ARHGAP26: variants seen among roughly 807,000 people sequenced by gnomAD.
ARHGAP26 encodes the protein rho GTPase-activating protein 26.
ARHGAP26 carries 38 observed loss-of-function variants against 104.8 expected under a neutral mutation model. The ratio of observed to expected loss-of-function variants is 0.36; its 90% confidence interval spans 0.28 to 0.48. The LOEUF (loss-of-function observed/expected upper bound fraction) is 0.48. Among genes scored for constraint, ARHGAP26 ranks in the 20% least tolerant of loss-of-function variants. ARHGAP26 has a pLI of 0.99. For synonymous variants in ARHGAP26, 341 were observed against 340.0 expected (o/e 1.00, Z -0.03); for missense variants, 704 against 947.9 (o/e 0.74, Z 3.38).
intron 17 of ARHGAP26, among the ~76,000 whole-genome samples, chr5:143,100,089 T>A (rs1031896504): frequency 6.6e-6 from 1 of 152,120 alleles, no homozygotes; most frequent in African/African-American, 2.4e-5. Context: ...AAAGGCAGTA[T>A]GAGAAGGTCC....
chr5:142,977,168 T>C (rs1305893277), intron 11 of ARHGAP26, among the ~76,000 whole-genome samples: 2 of 152,212 alleles, frequency 1.3e-5, no homozygotes, highest in East Asian at 3.8e-4. Context: ...GATTCTGGGC[T>C]GGCAGAAAGA....
intron 11 of ARHGAP26, among the ~76,000 whole-genome samples, chr5:142,963,192 A>ATGTGTGTGTG (rs1226879690): frequency 1.2e-4 from 13 of 104,354 alleles, no homozygotes; most frequent in African/African-American, 6.5e-4. Flanking sequence ...ATATATATAT[A>ATGTGTGTGTG]TATATATGTG....
intron 1 of ARHGAP26, among the ~76,000 whole-genome samples, chr5:142,801,493 G>A (rs1414629423): frequency 6.6e-6 from 1 of 151,710 alleles, no homozygotes; most frequent in East Asian, 1.9e-4. Context: ...GCCCCTTTTT[G>A]GTAAATACGG....
At chr5:143,031,119 G>C (rs1218703216) in intron 12 of ARHGAP26, among the ~76,000 whole-genome samples, 1 of 152,248 alleles carries the variant, frequency 6.6e-6, no homozygotes, top group African/African-American at 2.4e-5. Context: ...AGAAAGCATG[G>C]TTAGTTGAAT....
Position 143,126,371 on chromosome 5 carries a change from T to C in ARHGAP26, c.1698+5224T>C, listed in dbSNP as rs77730303. On this transcript the variant is annotated intron_variant, in intron 18 of 22. Coordinates refer to ENST00000645722, the MANE Select transcript of ARHGAP26 (RefSeq NM_001135608.3). The stretch of plus-strand genomic sequence containing the variant: ...TCCATTTGCTAAGGGTCCTGAAAAC[T>C]ATAGGAAAAGGTTTTGAACTGACTT... 3.5e-3 allele frequency among the ~76,000 whole-genome samples: 533 copies of C among 152,348 alleles called. 16 individuals carry two copies. In the East Asian group the frequency reaches 0.074, roughly 21 times the overall value.
At chr5:143,129,191 G>T (rs1051510936) in intron 18 of ARHGAP26, among the ~76,000 whole-genome samples, 1 of 152,158 alleles carries the variant, frequency 6.6e-6, no homozygotes, top group Non-Finnish European at 1.5e-5. Context: ...TCAATGTTTT[G>T]CAAAGAACAG....
At chr5:143,179,955 G>T (rs1804062130) in intron 20 of ARHGAP26, among the ~76,000 whole-genome samples, 1 of 152,012 alleles carries the variant, frequency 6.6e-6, no homozygotes, top group African/African-American at 2.4e-5. Flanking sequence ...GGCAACAATG[G>T]TCATTGTCAA....
chr5:142,772,106 A>T (rs1755328601), intron 1 of ARHGAP26, among the ~76,000 whole-genome samples: 1 of 152,162 alleles, frequency 6.6e-6, no homozygotes, highest in Non-Finnish European at 1.5e-5. Context: ...TAGCTGTGGG[A>T]ATTGTTCCCA....
At chr5:142,858,299 G>A (rs560916597) in intron 1 of ARHGAP26, among the ~76,000 whole-genome samples, 1 of 152,182 alleles carries the variant, frequency 6.6e-6, no homozygotes, top group African/African-American at 2.4e-5. Context: ...CATTTGCCTA[G>A]TGGCAAAGTG....
intron 22 of ARHGAP26, among the ~76,000 whole-genome samples, chr5:143,220,518 G>C (rs1811002624): frequency 6.6e-6 from 1 of 152,192 alleles, no homozygotes; most frequent in East Asian, 1.9e-4. Context: ...AAGTGATCTT[G>C]GAAGCTTTGG....
chr5:142,913,426 C>T (rs1281255070), intron 10 of ARHGAP26, 133 bp downstream of exon 10: 1 of 732,438 alleles, frequency 1.4e-6, no homozygotes, highest in East Asian at 2.7e-5. Flanking sequence ...CTCCCCCTGC[C>T]TCCTTCCTTT....
chr5:143,179,161 G>A lies in ARHGAP26; in HGVS notation c.1989-28037G>A, dbSNP rs557127324. 2.2e-4 allele frequency among the ~76,000 whole-genome samples: 33 copies of A among 152,180 alleles called. No homozygotes were observed. In the East Asian group the frequency reaches 5.0e-3, roughly 23 times the overall value. The stretch of plus-strand genomic sequence containing the variant: ...TGGGATTACAGGCGTGAGCCACCGC[G>A]CCCAGCCATTTATCATGTATCATGA... On this transcript the variant is annotated intron_variant, in intron 20 of 22. Transcript: ENST00000645722.
At chr5:143,062,025 A>G (rs578177506) in intron 17 of ARHGAP26, among the ~76,000 whole-genome samples, 1 of 152,330 alleles carries the variant, frequency 6.6e-6, no homozygotes, top group Non-Finnish European at 1.5e-5. Context: ...GGAGGATTGG[A>G]TATCAGAATA....
At chr5:143,094,430 G>A (rs1598984783) in intron 17 of ARHGAP26, among the ~76,000 whole-genome samples, 1 of 152,210 alleles carries the variant, frequency 6.6e-6, no homozygotes, top group African/African-American at 2.4e-5. Flanking sequence ...TGCCACAAGG[G>A]GGTGGGGTGC....
At chr5:143,066,486 T>C (rs61259621) in intron 17 of ARHGAP26, among the ~76,000 whole-genome samples, 8,668 of 152,294 alleles carry the variant, frequency 0.057, 818 homozygotes, top group African/African-American at 0.19. Flanking sequence ...GAAGAGTGCC[T>C]GGCACATAAT....
chr5:142,854,466 A>G (rs539684351), intron 1 of ARHGAP26, among the ~76,000 whole-genome samples: 3 of 152,298 alleles, frequency 2.0e-5, no homozygotes, highest in African/African-American at 4.8e-5. Flanking sequence ...TCAGTGTCTT[A>G]TTCTCCATGC....
In ARHGAP26 at chr5:143,224,442, T is replaced by C. The variant is rs1811501316; in HGVS notation, c.*1996T>C. 4.4e-6 allele frequency: 1 copy of C among 228,842 alleles called. No homozygotes were observed. Among genetic ancestry groups the C allele is most frequent in the African/African-American group, 2.2e-5 (1 of 45,068 alleles). 14.2% of individuals were successfully genotyped at this position (228,842 alleles called of 1,614,324 possible). ...AGATGGGAAGAGCATCTCCAGGCAA[T>C]GAGTTTTTCAAAGAATGCCTACTTA... On this transcript the variant is annotated 3_prime_UTR_variant, in exon 23 of 23. Transcript: ENST00000645722.
intron 6 of ARHGAP26, among the ~76,000 whole-genome samples, chr5:142,895,345 C>T (rs1759315541): frequency 6.6e-6 from 1 of 152,090 alleles, no homozygotes; most frequent in Non-Finnish European, 1.5e-5. Context: ...ATTCTCCTGC[C>T]TCAGCCTCCT....
intron 7 of ARHGAP26, 58 bp downstream of exon 7, chr5:142,902,097 C>T (rs369716957): frequency 1.4e-6 from 2 of 1,457,666 alleles, no homozygotes; most frequent in Admixed American, 1.8e-5. Flanking sequence ...AAAATATGGG[C>T]CTGATTGCCC....
Sources: allele counts gnomAD v4.1 joint callset (sites outside exome capture counted in the v4.1 genomes callset), GRCh38; gene constraint gnomAD v4.1.1; transcripts MANE v1.5; gene names NCBI Gene and HGNC (gene_info 2026-07-23, HGNC 2026-07-21).